Variants in CCDC158 observed in about 807,000 individuals in gnomAD.
CCDC158 encodes coiled-coil domain-containing protein 158.
A neutral mutation model predicts 138.6 loss-of-function variants in CCDC158; 116 were observed. The observed-to-expected ratio is 0.84, with a 90% confidence interval of 0.72 to 0.98. The LOEUF (loss-of-function observed/expected upper bound fraction) is 0.98. Ranked by LOEUF, CCDC158 falls within the 50% of genes least tolerant of loss-of-function variation. CCDC158 has a pLI of 0.00. For synonymous variants in CCDC158, 436 were observed against 442.4 expected (o/e 0.99, Z 0.18); for missense variants, 1,265 against 1,306.1 (o/e 0.97, Z 0.48).
intron 18 of CCDC158, among the ~76,000 whole-genome samples, chr4:76,337,165 T>C (rs1421688323): frequency 6.6e-6 from 1 of 152,034 alleles, no homozygotes; most frequent in East Asian, 1.9e-4. Flanking sequence ...TTTTTTTGTA[T>C]TTTTTGGAGA....
chr4:76,337,029 G>A (rs1721577845), intron 18 of CCDC158, among the ~76,000 whole-genome samples: 1 of 151,994 alleles, frequency 6.6e-6, no homozygotes, highest in Non-Finnish European at 1.5e-5. Flanking sequence ...CACCCAAACT[G>A]GAGTGCAGTG....
rs370066843 is a variant in CCDC158, at chr4:76,367,611, G to A, written c.1513C>T (p.Leu505Phe). Residue 505 changes from leucine (L) to phenylalanine (F), a missense_variant, in exon 12 of 25, where the codon CTC (leucine) becomes TTC (phenylalanine). Transcript: ENST00000682701. ...ERTISDLTTS[L>F]QEKERAIEAT... The stretch of plus-strand genomic sequence containing the variant: ...TCGATGGCTCTCTCTTTTTCCTGGA[G>A]AGAAGTTGTCAGGTCCGATATTGTC... The A allele has an allele frequency of 6.2e-7, 1 of 1,614,184 alleles. No individual in the cohort carries two copies. Among genetic ancestry groups the A allele is most frequent in the Non-Finnish European group, 8.5e-7 (1 of 1,180,032 alleles).
intron 2 of CCDC158, among the ~76,000 whole-genome samples, chr4:76,404,456 A>G (rs1228039208): frequency 6.6e-6 from 1 of 152,216 alleles, no homozygotes; most frequent in African/African-American, 2.4e-5. Flanking sequence ...ACAAGAATTT[A>G]GGGTATGAAA....
intron 15 of CCDC158, among the ~76,000 whole-genome samples, chr4:76,354,498 T>C (rs1723350541): frequency 6.6e-6 from 1 of 152,192 alleles, no homozygotes; most frequent in South Asian, 2.1e-4. Context: ...TCAGTTCTGT[T>C]ATAAATCTTC....
chr4:76,375,629 T>C lies in CCDC158; in HGVS notation c.1029+3661A>G. 7 of 702,864 alleles carry C rather than the reference T, an allele frequency of 1.0e-5. 1 individual carries two copies. The highest frequency in any genetic ancestry group is 1.8e-5 in the Non-Finnish European group (7 of 384,958). The allele number at this position is 702,864 out of a possible 1,614,324, so 43.5% of individuals were successfully genotyped here. A position where few individuals can be genotyped will look rare whatever the true frequency, so the allele number is the denominator to read the frequency against. ...GTTGTCAAAAAGCGAAAGTTAAGGG[T>C]AAAGCCAAATCTACAGAGCCAATAG... On this transcript the variant is annotated intron_variant, in intron 9 of 24. Coordinates refer to ENST00000682701, the MANE Select transcript of CCDC158 (RefSeq NM_001394954.1).
At chr4:76,331,530 TAAA>T in intron 20 of CCDC158, 127 bp from the exon 21 acceptor site, 1 of 719,148 alleles carries the variant, frequency 1.4e-6, no homozygotes. Context: ...GACAGCTGGA[TAAA>T]TAAATCATAA....
chr4:76,419,149 A>T (rs1156506909), intron 1 of CCDC158, among the ~76,000 whole-genome samples: 1 of 152,196 alleles, frequency 6.6e-6, no homozygotes, highest in Non-Finnish European at 1.5e-5. Flanking sequence ...TGATATATTA[A>T]TAGGAATACT....
At chr4:76,369,982 GAAGGAAAAATGATAAGTA>G (rs1303447198) in intron 10 of CCDC158, among the ~76,000 whole-genome samples, 6 of 152,150 alleles carry the variant, frequency 3.9e-5, no homozygotes, top group African/African-American at 7.2e-5. Context: ...TCAAAAGCAT[GAAGGAAAAATGATAAGTA>G]AAGGAAAAAT....
chr4:76,361,073 G>A (rs1037831979), intron 13 of CCDC158, among the ~76,000 whole-genome samples: 5 of 152,118 alleles, frequency 3.3e-5, no homozygotes, highest in East Asian at 1.9e-4. Flanking sequence ...GTTCTCATGC[G>A]ATCTGGTTGT....
intron 4 of CCDC158, 152 bp from the exon 5 acceptor site, chr4:76,384,817 T>C: frequency 3.2e-6 from 2 of 618,310 alleles, no homozygotes; most frequent in Non-Finnish European, 5.7e-6. Flanking sequence ...TAATAATTTC[T>C]CGCTTAGATT....
chr4:76,380,492 G>A (rs1456993522), intron 8 of CCDC158, among the ~76,000 whole-genome samples: 1 of 152,170 alleles, frequency 6.6e-6, no homozygotes, highest in African/African-American at 2.4e-5. Context: ...TCGGGCAGAA[G>A]AAATTTCTAA....
intron 16 of CCDC158, 142 bp from the exon 17 acceptor site, chr4:76,351,954 T>G (rs1297873265): frequency 1.7e-6 from 1 of 580,464 alleles, no homozygotes; most frequent in Non-Finnish European, 3.0e-6. Context: ...TCTATTTATC[T>G]GTTTTATTTA....
Position 76,394,678 on chromosome 4 carries a change from AC to A in CCDC158, c.288+1590del, listed in dbSNP as rs554492969. 1.8e-3 allele frequency among the ~76,000 whole-genome samples: 276 copies of A among 152,092 alleles called. 1 individual carries two copies. The highest frequency in any genetic ancestry group is 4.6e-3 in the Admixed American group (70 of 15,252). ...AGTATAAATGCTTGAGAGGATGGAA[AC>A]CCAATTTTTCATTATGTGATTTTTT... On this transcript the variant is annotated intron_variant, in intron 4 of 24. Coordinates refer to ENST00000682701, the MANE Select transcript of CCDC158 (RefSeq NM_001394954.1).
At chr4:76,411,293 G>T (rs560169713) in intron 2 of CCDC158, among the ~76,000 whole-genome samples, 1 of 151,932 alleles carries the variant, frequency 6.6e-6, no homozygotes, top group Non-Finnish European at 1.5e-5. Flanking sequence ...TCCCAGCTAC[G>T]TGGAAGGGTG....
At chr4:76,415,780 C>A (rs552474563) in intron 1 of CCDC158, among the ~76,000 whole-genome samples, 2 of 152,286 alleles carry the variant, frequency 1.3e-5, no homozygotes, top group East Asian at 3.9e-4. Context: ...CTTGGTCTAA[C>A]GGTAATGCCA....
chr4:76,357,982 C>T (rs1245863883), intron 13 of CCDC158, among the ~76,000 whole-genome samples: 2 of 112,530 alleles, frequency 1.8e-5, no homozygotes, highest in Non-Finnish European at 3.8e-5. Flanking sequence ...CTACAATACA[C>T]ACATGTGTGC....
At chr4:76,374,296 T>C (rs2110268908) in intron 9 of CCDC158, among the ~76,000 whole-genome samples, 1 of 152,344 alleles carries the variant, frequency 6.6e-6, no homozygotes, top group Non-Finnish European at 1.5e-5. Context: ...TGATAAAATC[T>C]CTTCACTTTT....
chr4:76,375,545 C>G (rs1725640361), intron 9 of CCDC158: 1 of 702,432 alleles, frequency 1.4e-6, no homozygotes, highest in Non-Finnish European at 2.6e-6. Flanking sequence ...CAAAATTCAG[C>G]CCCAACTGCT....
At chr4:76,331,540 A>G (rs1721011689) in intron 20 of CCDC158, 137 bp from the exon 21 acceptor site, 1 of 678,874 alleles carries the variant, frequency 1.5e-6, no homozygotes, top group African/African-American at 1.8e-5. Flanking sequence ...TAAATAAATC[A>G]TAAACATTAA....
Sources: gnomAD v4.1 joint callset for allele counts (sites outside exome capture counted in the v4.1 genomes callset) on GRCh38, gnomAD v4.1.1 for gene constraint, MANE v1.5 for transcripts, NCBI Gene and HGNC (gene_info 2026-07-23, HGNC 2026-07-21) for gene names.